NEGR1: variants seen among roughly 807,000 people sequenced by gnomAD.
The protein encoded by NEGR1 is neuronal growth regulator 1, also known as IgLON family member 4.
Under a neutral mutation model 40.9 loss-of-function variants are expected in NEGR1, and 10 were observed. The observed-to-expected ratio is 0.24, with a 90% CI of 0.15 to 0.42. The LOEUF (loss-of-function observed/expected upper bound fraction) is 0.42, where lower values mean the gene tolerates loss of function less well. Among genes scored for constraint, NEGR1 ranks in the 10% least tolerant of loss-of-function variants. The pLI is 1.00. For missense variants in NEGR1, 352 were observed against 438.9 expected, an observed-to-expected ratio of 0.80 and a Z score of 1.77; for synonymous variants, 185 against 166.8, an observed-to-expected ratio of 1.11 and a Z score of -0.84.
chr1:71,592,845 G>A lies in NEGR1; in HGVS notation c.912C>T (p.Gly304=). The A allele has an allele frequency of 6.2e-7, 1 of 1,613,354 alleles. No individual in the cohort carries two copies. The highest frequency in any genetic ancestry group is 1.3e-5 in the African/African-American group (1 of 75,010). The part of the protein sequence containing the change: ...NYTCVAANKL[G]TTNASLPLNP... ...TAAGAGGCAGGCTCGCATTGGTTGT[G>A]CCTAGCTTGTTGGCAGCCACACAGG... Residue 304 remains glycine (G), a synonymous_variant, in exon 6 of 7, where the codon GGC becomes GGT. Transcript: ENST00000357731.
At chr1:72,130,187 A>G (rs1297033930) in intron 1 of NEGR1, among the ~76,000 whole-genome samples, 3 of 152,128 alleles carry the variant, frequency 2.0e-5, no homozygotes, top group East Asian at 1.9e-4. Context: ...AACACACATA[A>G]TAGCCTAACC....
intron 2 of NEGR1, among the ~76,000 whole-genome samples, chr1:71,790,742 G>T (rs1388945347): frequency 1.3e-5 from 2 of 152,102 alleles, no homozygotes; most frequent in African/African-American, 4.8e-5. Flanking sequence ...TTAGAAATGG[G>T]ATTACTACAC....
chr1:72,121,167 G>A (rs1029849297), intron 1 of NEGR1, among the ~76,000 whole-genome samples: 1 of 151,832 alleles, frequency 6.6e-6, no homozygotes, highest in Non-Finnish European at 1.5e-5. Flanking sequence ...ACAATGACAT[G>A]TGCAAACAAC....
intron 6 of NEGR1, among the ~76,000 whole-genome samples, chr1:71,447,544 T>G (rs1295174810): frequency 6.6e-6 from 1 of 152,172 alleles, no homozygotes; most frequent in Admixed American, 6.5e-5. Flanking sequence ...GCACCTAGAG[T>G]GACTTTACCC....
chr1:71,486,909 TCA>T (rs1646891341), intron 6 of NEGR1: 1 of 151,572 alleles, frequency 6.6e-6, no homozygotes, highest in South Asian at 2.1e-4. Flanking sequence ...CTTGTTCCTC[TCA>T]CAGTGTTCCA....
chr1:71,646,791 G>A (rs1156380413), intron 4 of NEGR1, among the ~76,000 whole-genome samples: 1 of 151,310 alleles, frequency 6.6e-6, no homozygotes, highest in Non-Finnish European at 1.5e-5. Flanking sequence ...GGCTCTTCAG[G>A]GACTTTACAA....
At chr1:72,122,436 A>G (rs12128707) in intron 1 of NEGR1, among the ~76,000 whole-genome samples, 31,565 of 151,882 alleles carry the variant, frequency 0.21, 4,099 homozygotes, top group Middle Eastern at 0.32. Flanking sequence ...TTTATTCCCA[A>G]TCCATTTAGT....
At chr1:72,140,606 G>A (rs1650635715) in intron 1 of NEGR1, among the ~76,000 whole-genome samples, 1 of 151,980 alleles carries the variant, frequency 6.6e-6, no homozygotes, top group Non-Finnish European at 1.5e-5. Flanking sequence ...GAGTTTTGGA[G>A]GGGACAAATA....
At chr1:71,513,127 C>A (rs1210964801) in intron 6 of NEGR1, among the ~76,000 whole-genome samples, 1 of 152,024 alleles carries the variant, frequency 6.6e-6, no homozygotes, top group African/African-American at 2.4e-5. Context: ...ATGAATCTTA[C>A]AGAAATCAAT....
At chr1:71,621,553 T>A (rs920086140) in intron 4 of NEGR1, among the ~76,000 whole-genome samples, 1 of 151,836 alleles carries the variant, frequency 6.6e-6, no homozygotes, top group Non-Finnish European at 1.5e-5. Flanking sequence ...GACAGAGTAC[T>A]AAGCTGTGAT....
intron 1 of NEGR1, among the ~76,000 whole-genome samples, chr1:72,241,604 T>C (rs1654747228): frequency 6.6e-6 from 1 of 151,700 alleles, no homozygotes. Context: ...AGAGTCTGCC[T>C]AGGTGTTGTG....
chr1:71,500,043 T>C (rs1186685406), intron 6 of NEGR1, among the ~76,000 whole-genome samples: 4 of 152,138 alleles, frequency 2.6e-5, no homozygotes, highest in African/African-American at 4.8e-5. Context: ...GGATATTTTA[T>C]GAATTTAAAA....
At chr1:72,281,729 A>G (rs1656260083) in intron 1 of NEGR1, among the ~76,000 whole-genome samples, 2 of 152,164 alleles carry the variant, frequency 1.3e-5, no homozygotes, top group Admixed American at 1.3e-4. Flanking sequence ...GAAAAAACAG[A>G]AAATAGAAAA....
chr1:71,766,465 G>T (rs1228928025), intron 3 of NEGR1, among the ~76,000 whole-genome samples: 1 of 152,066 alleles, frequency 6.6e-6, no homozygotes, highest in African/African-American at 2.4e-5. Flanking sequence ...GAGACATATA[G>T]CCCAGTGTTG....
chr1:71,557,480 A>C (rs1014886541), intron 6 of NEGR1, among the ~76,000 whole-genome samples: 1 of 151,632 alleles, frequency 6.6e-6, no homozygotes, highest in African/African-American at 2.4e-5. Flanking sequence ...GGAGAAAGCA[A>C]GTATTGATAA....
At chr1:72,005,610 C>T (rs911854671) in intron 1 of NEGR1, among the ~76,000 whole-genome samples, 24 of 152,016 alleles carry the variant, frequency 1.6e-4, no homozygotes, top group Admixed American at 1.2e-3. Context: ...ATAGCTTTTG[C>T]GCATTTTAGC....
chr1:71,424,114 C>A (rs1168267367), intron 6 of NEGR1, among the ~76,000 whole-genome samples: 1 of 151,238 alleles, frequency 6.6e-6, no homozygotes, highest in Admixed American at 6.6e-5. Context: ...AATTTGTTGT[C>A]ATTTGATAAA....
intron 2 of NEGR1, among the ~76,000 whole-genome samples, chr1:71,872,020 A>G (rs971799343): frequency 1.3e-5 from 2 of 152,228 alleles, no homozygotes; most frequent in African/African-American, 4.8e-5. Context: ...TGTGCAATCT[A>G]TAAAATTTAG....
chr1:71,588,048 A>T (rs1649365117), intron 6 of NEGR1, among the ~76,000 whole-genome samples: 1 of 152,106 alleles, frequency 6.6e-6, no homozygotes, highest in South Asian at 2.1e-4. Context: ...GGAAGTGAGA[A>T]ACAAAGCGTG....
Sources: allele counts gnomAD v4.1 joint callset (sites outside exome capture counted in the v4.1 genomes callset), GRCh38; gene constraint gnomAD v4.1.1; transcripts MANE v1.5; gene names NCBI Gene and HGNC (gene_info 2026-07-23, HGNC 2026-07-21).